RHPN2: variants seen among roughly 807,000 people sequenced by gnomAD.
RHPN2 encodes the protein rhophilin-2.
RHPN2 carries 40 observed loss-of-function variants against 79.0 expected under a neutral mutation model. The observed-to-expected ratio is 0.51, with a 90% CI of 0.39 to 0.66. RHPN2 has a LOEUF of 0.66. Among genes scored for constraint, RHPN2 ranks in the 30% least tolerant of loss-of-function variants. RHPN2 has a pLI of 0.00. For missense variants in RHPN2, 686 were observed against 883.5 expected, an observed-to-expected ratio of 0.78 and a Z score of 2.83; for synonymous variants, 285 against 363.5, an observed-to-expected ratio of 0.78 and a Z score of 2.46.
At chr19:33,042,959 A>T (rs1972112315) in intron 2 of RHPN2, among the ~76,000 whole-genome samples, 1 of 152,006 alleles carries the variant, frequency 6.6e-6, no homozygotes. Context: ...GGCACCTGTA[A>T]TCCCAGCTAC....
intron 6 of RHPN2, 24 bp downstream of exon 6, chr19:33,011,655 C>T (rs1263904060): frequency 6.2e-7 from 1 of 1,613,934 alleles, no homozygotes; most frequent in Admixed American, 1.7e-5. Flanking sequence ...ACGTGAAGCG[C>T]CAGCGCAGAC....
chr19:33,054,743 G>A lies in RHPN2; in HGVS notation c.69+10041C>T, dbSNP rs529422913. ...ACCTCCAATGCAGCCTTTGTGTCAC[G>A]GGACGCTGGTACCTGAGCCAAAGGA... On this transcript the variant is annotated intron_variant, in intron 1 of 14. Transcript: ENST00000254260. 2.6e-5 allele frequency among the ~76,000 whole-genome samples: 4 copies of A among 152,326 alleles called. No individual in the cohort carries two copies. The South Asian group carries it at 6.2e-4, about 24-fold the overall frequency.
At chr19:32,996,329 C>T (rs1480164814) in intron 10 of RHPN2, 109 bp from the exon 11 acceptor site, 2 of 1,158,450 alleles carry the variant, frequency 1.7e-6, no homozygotes, top group Admixed American at 3.8e-5. Context: ...AAGGATCTGC[C>T]TGGATAGCTA....
At chr19:33,060,118 G>A (rs1246226932) in intron 1 of RHPN2, among the ~76,000 whole-genome samples, 1 of 152,190 alleles carries the variant, frequency 6.6e-6, no homozygotes, top group Non-Finnish European at 1.5e-5. Context: ...GGATCTTGAG[G>A]AGGCGCATGA....
At chr19:33,005,282 G>A (rs1971780845) in intron 7 of RHPN2, among the ~76,000 whole-genome samples, 1 of 151,564 alleles carries the variant, frequency 6.6e-6, no homozygotes, top group Non-Finnish European at 1.5e-5. Flanking sequence ...GTGTGGTGGT[G>A]CACGCCTATA....
intron 5 of RHPN2, 119 bp from the exon 6 acceptor site, chr19:33,011,922 C>A: frequency 7.7e-7 from 1 of 1,304,444 alleles, no homozygotes; most frequent in Non-Finnish European, 1.1e-6. Context: ...GTATGATGAC[C>A]TCGCTACTGG....
In RHPN2 at chr19:33,053,426, T is replaced by C. The variant is rs1371198872; in HGVS notation, c.70-9062A>G. On this transcript the variant is annotated intron_variant, in intron 1 of 14. Coordinates refer to ENST00000254260, the MANE Select transcript of RHPN2 (RefSeq NM_033103.5). ...TCAACAACAGTTTTAACAGTTTTGC[T>C]TTTTTTTTTTTTTTTGAGATGGAGT... Among the ~76,000 whole-genome samples the C allele has an allele frequency of 1.3e-4, 8 of 60,284 alleles. No individual in the cohort carries two copies. The East Asian group carries it at 3.6e-3, about 27-fold the overall frequency. The allele number at this position is 60,284 out of a possible 152,430, so 39.5% of individuals were successfully genotyped here. A position where few individuals can be genotyped will look rare whatever the true frequency, so the allele number is the denominator to read the frequency against.
chr19:33,040,138 G>A (rs1448064846), intron 2 of RHPN2, among the ~76,000 whole-genome samples: 4 of 152,082 alleles, frequency 2.6e-5, no homozygotes, highest in East Asian at 3.9e-4. Flanking sequence ...GCACAACAGG[G>A]GAACCTGAAG....
In RHPN2 at chr19:33,032,202, G is replaced by C. The variant is rs144100269; in HGVS notation, c.186-5570C>G. Among the ~76,000 whole-genome samples the C allele has an allele frequency of 2.2e-3, 332 of 151,642 alleles. 3 individuals carry two copies. The highest frequency in any genetic ancestry group is 7.9e-3 in the African/African-American group (326 of 41,336). ...TACCCAGCTAATTTTTGTATTTTTA[G>C]TAGAGACGGGGTTTCACCATGTTGG... is the stretch of plus-strand genomic sequence containing the variant. On this transcript the variant is annotated intron_variant, in intron 2 of 14. Coordinates refer to ENST00000254260, the MANE Select transcript of RHPN2 (RefSeq NM_033103.5).
chr19:33,005,680 G>A (rs1019355926), intron 7 of RHPN2, among the ~76,000 whole-genome samples: 7 of 151,292 alleles, frequency 4.6e-5, no homozygotes, highest in Non-Finnish European at 1.0e-4. Flanking sequence ...GCTCCATGGG[G>A]GTTCCCTCAC....
intron 4 of RHPN2, among the ~76,000 whole-genome samples, chr19:33,019,467 T>C (rs909480223): frequency 6.6e-6 from 1 of 152,014 alleles, no homozygotes; most frequent in African/African-American, 2.4e-5. Context: ...TAATCCCAGC[T>C]ACTCGTAAGG....
At chr19:33,012,134 C>T (rs1971840480) in intron 5 of RHPN2, among the ~76,000 whole-genome samples, 1 of 151,474 alleles carries the variant, frequency 6.6e-6, no homozygotes, top group Non-Finnish European at 1.5e-5. Context: ...TTCCACCTAC[C>T]AGGTTCAAGT....
intron 2 of RHPN2, among the ~76,000 whole-genome samples, chr19:33,042,454 GTCCAAACT>G: frequency 6.6e-6 from 1 of 152,174 alleles, no homozygotes; most frequent in Non-Finnish European, 1.5e-5. Flanking sequence ...CAATTCCCAT[GTCCAAACT>G]TGTCTTGGGA....
intron 1 of RHPN2, among the ~76,000 whole-genome samples, chr19:33,055,701 T>C (rs1225537385): frequency 3.3e-5 from 5 of 149,804 alleles, no homozygotes; most frequent in Non-Finnish European, 5.9e-5. Context: ...CCCTGCTCCT[T>C]GCAGAGAGAA....
chr19:33,026,747 G>T, intron 2 of RHPN2, 115 bp from the exon 3 acceptor site: 2 of 1,267,566 alleles, frequency 1.6e-6, no homozygotes, highest in Non-Finnish European at 2.2e-6. Flanking sequence ...TGCAGAGGAG[G>T]GCCAGGAGTG....
chr19:33,061,810 G>GGTTTT (rs1245017207), intron 1 of RHPN2, among the ~76,000 whole-genome samples: 26 of 151,880 alleles, frequency 1.7e-4, no homozygotes, highest in African/African-American at 6.3e-4. Flanking sequence ...TCGGCCATTT[G>GGTTTT]GTTTTGTTTT....
At chr19:32,987,482 C>T (rs1435161401) in intron 14 of RHPN2, among the ~76,000 whole-genome samples, 3 of 152,194 alleles carry the variant, frequency 2.0e-5, no homozygotes, top group South Asian at 2.1e-4. Flanking sequence ...ACAGCTAAGG[C>T]GACCTCATTC....
Position 32,996,108 on chromosome 19 carries a change from T to C in RHPN2, c.1338A>G (p.Ala446=). The C allele has an allele frequency of 6.2e-7, 1 of 1,614,044 alleles. No homozygotes were observed. Among genetic ancestry groups the C allele is most frequent in the Non-Finnish European group, 8.5e-7 (1 of 1,179,914 alleles). Residue 446 remains alanine, a synonymous_variant, in exon 11 of 15, where the codon GCA becomes GCG. Transcript: ENST00000254260. ...CGTACGTGAGCCGGGAGCGTTCCTG[T>C]GCGGCACACAGCACCTTCTGTAGCA... is the stretch of plus-strand genomic sequence containing the variant. The part of the protein sequence containing the change: ...IEVLQKVLCA[A]QERSRLTYAQ...
At chr19:33,046,430 T>A (rs1000460271) in intron 1 of RHPN2, among the ~76,000 whole-genome samples, 9 of 151,856 alleles carry the variant, frequency 5.9e-5, no homozygotes, top group African/African-American at 2.2e-4. Flanking sequence ...CATGACCAGA[T>A]AATTTTTGTA....
Sources: allele counts gnomAD v4.1 joint callset (sites outside exome capture counted in the v4.1 genomes callset), GRCh38; gene constraint gnomAD v4.1.1; transcripts MANE v1.5; gene names NCBI Gene and HGNC (gene_info 2026-07-23, HGNC 2026-07-21).